The following PLXDC2 variants were observed in gnomAD, a reference collection of about 807,000 sequenced individuals.
PLXDC2 encodes the protein plexin domain-containing protein 2.
PLXDC2 carries 40 observed loss-of-function variants against 68.9 expected under a neutral mutation model. The observed-to-expected ratio is 0.58, with a 90% CI of 0.45 to 0.76. The LOEUF is 0.76. Ranked by LOEUF, PLXDC2 falls within the 30% of genes least tolerant of loss-of-function variation. The pLI is 0.00. For missense variants in PLXDC2, 644 were observed against 661.9 expected (o/e 0.97, Z 0.30); for synonymous variants, 243 against 234.2 (o/e 1.04, Z -0.34).
At chr10:20,277,002 G>A (rs927542061) in intron 13 of PLXDC2, among the ~76,000 whole-genome samples, 1 of 151,902 alleles carries the variant, frequency 6.6e-6, no homozygotes, top group Non-Finnish European at 1.5e-5. Flanking sequence ...ACGAGGTCAG[G>A]GGTTCAAGAC....
At chr10:20,050,252 A>G (rs1026451692) in intron 3 of PLXDC2, among the ~76,000 whole-genome samples, 11 of 152,162 alleles carry the variant, frequency 7.2e-5, no homozygotes, top group Admixed American at 6.6e-4. Flanking sequence ...TCAAAACTAT[A>G]CAAACCCTGG....
At chr10:20,155,203 C>G (rs1336371197) in intron 6 of PLXDC2, among the ~76,000 whole-genome samples, 1 of 152,082 alleles carries the variant, frequency 6.6e-6, no homozygotes, top group Non-Finnish European at 1.5e-5. Flanking sequence ...GATTATTTCT[C>G]TTATTTAAAC....
chr10:20,162,373 G>A (rs1327388636), intron 6 of PLXDC2, among the ~76,000 whole-genome samples: 2 of 152,078 alleles, frequency 1.3e-5, no homozygotes, highest in Admixed American at 6.5e-5. Context: ...GGGAAAAGAA[G>A]ACAAGCAATA....
chr10:19,973,264 T>A, intron 1 of PLXDC2, among the ~76,000 whole-genome samples: 1 of 146,948 alleles, frequency 6.8e-6, no homozygotes, highest in Non-Finnish European at 1.5e-5. Context: ...ATATATATAC[T>A]CACAGATATA....
chr10:19,860,800 G>T (rs1837305165), intron 1 of PLXDC2, among the ~76,000 whole-genome samples: 1 of 152,140 alleles, frequency 6.6e-6, no homozygotes, highest in Non-Finnish European at 1.5e-5. Flanking sequence ...TGCGTTGCAA[G>T]CATTTGGTTA....
intron 1 of PLXDC2, among the ~76,000 whole-genome samples, chr10:19,979,503 C>T (rs1041507196): frequency 3.3e-5 from 5 of 151,416 alleles, no homozygotes; most frequent in African/African-American, 1.2e-4. Flanking sequence ...CTCACCCTCT[C>T]AATTGATTGC....
chr10:20,090,218 G>A (rs1276976817), intron 4 of PLXDC2, among the ~76,000 whole-genome samples: 1 of 152,164 alleles, frequency 6.6e-6, no homozygotes, highest in Non-Finnish European at 1.5e-5. Flanking sequence ...ACAGAAAAAT[G>A]CCCATGTGTA....
At chr10:19,995,876 A>G (rs1834834858) in intron 1 of PLXDC2, among the ~76,000 whole-genome samples, 4 of 152,234 alleles carry the variant, frequency 2.6e-5, no homozygotes, top group African/African-American at 9.6e-5. Context: ...CAGATTTCCC[A>G]AAGTCTTGGG....
chr10:20,207,430 G>C (rs1835007883), intron 9 of PLXDC2, among the ~76,000 whole-genome samples: 1 of 152,122 alleles, frequency 6.6e-6, no homozygotes. Context: ...AAAATATAAG[G>C]TAAAAGTTTG....
intron 1 of PLXDC2, among the ~76,000 whole-genome samples, chr10:19,884,538 G>A (rs1447118782): frequency 1.5e-5 from 2 of 137,086 alleles, no homozygotes; most frequent in Non-Finnish European, 3.0e-5. Context: ...AGAGTGTGAT[G>A]TTCCCCTTCC....
chr10:20,223,972 A>ATTTTTTT (rs10561584), intron 12 of PLXDC2, among the ~76,000 whole-genome samples: 1 of 133,452 alleles, frequency 7.5e-6, no homozygotes. Flanking sequence ...CCTAGAATGT[A>ATTTTTTT]TTTTTTTTTT....
intron 3 of PLXDC2, among the ~76,000 whole-genome samples, chr10:20,054,242 G>T (rs1045999083): frequency 2.0e-5 from 3 of 151,958 alleles, no homozygotes; most frequent in African/African-American, 4.8e-5. Context: ...TAGCAAGGGT[G>T]GGGGATGAAG....
At chr10:19,879,418 CAGTG>C (rs1006995291) in intron 1 of PLXDC2, among the ~76,000 whole-genome samples, 1 of 152,038 alleles carries the variant, frequency 6.6e-6, no homozygotes, top group Non-Finnish European at 1.5e-5. Flanking sequence ...TTCTGGCAGT[CAGTG>C]AGCTTTATAT....
In PLXDC2 at chr10:20,043,104, A is replaced by G. The variant is rs1196526200; in HGVS notation, c.325-3765A>G. On this transcript the variant is annotated intron_variant, in intron 2 of 13. Coordinates refer to ENST00000377252, the MANE Select transcript of PLXDC2 (RefSeq NM_032812.9). ...TAAGACGTGTTTTGAATACTTTACT[A>G]GTGCTAAAATGTCACATTTTTGAGA... Among the ~76,000 whole-genome samples the G allele has an allele frequency of 3.3e-5, 5 of 152,298 alleles. No individual in the cohort carries two copies. In the East Asian group the frequency reaches 5.8e-4, roughly 18 times the overall value.
intron 1 of PLXDC2, among the ~76,000 whole-genome samples, chr10:19,877,713 G>A (rs754916410): frequency 5.3e-5 from 8 of 152,230 alleles, no homozygotes; most frequent in African/African-American, 9.6e-5. Flanking sequence ...CGGCCTGGCC[G>A]CCTGCCTGCC....
chr10:19,926,166 C>T (rs528755610), intron 1 of PLXDC2, among the ~76,000 whole-genome samples: 3 of 152,276 alleles, frequency 2.0e-5, no homozygotes, highest in East Asian at 3.9e-4. Flanking sequence ...AGCAGAATTG[C>T]CAGTTACTCA....
At chr10:19,992,175 A>C (rs2131629592) in intron 1 of PLXDC2, among the ~76,000 whole-genome samples, 1 of 152,320 alleles carries the variant, frequency 6.6e-6, no homozygotes, top group Non-Finnish European at 1.5e-5. Context: ...ATATGACCCC[A>C]AATAGCCTAA....
rs549097302 is a variant in PLXDC2 at position 20,048,962 on chromosome 10, G to T, written c.471+1947G>T. On this transcript the variant is annotated intron_variant, in intron 3 of 13. Transcript: ENST00000377252. ...AGGTTGCCTCATACATAAATGGAAGGACTTGAACTTCTGGTTGTAACTTAC... is the reference window on the plus strand; with the variant it reads ...AGGTTGCCTCATACATAAATGGAAGTACTTGAACTTCTGGTTGTAACTTAC... Among the ~76,000 whole-genome samples the T allele has an allele frequency of 3.3e-4, 50 of 152,188 alleles. 1 individual carries two copies. In the South Asian group the frequency reaches 9.6e-3, roughly 29 times the overall value.
intron 4 of PLXDC2, among the ~76,000 whole-genome samples, chr10:20,141,889 CAAG>C (rs1322358282): frequency 6.6e-6 from 1 of 151,814 alleles, no homozygotes; most frequent in Non-Finnish European, 1.5e-5. Flanking sequence ...AAATAAGAAA[CAAG>C]GAGTCACATA....
Sources: allele counts gnomAD v4.1 joint callset (sites outside exome capture counted in the v4.1 genomes callset), GRCh38; gene constraint gnomAD v4.1.1; transcripts MANE v1.5; gene names NCBI Gene and HGNC (gene_info 2026-07-23, HGNC 2026-07-21).